The following PCDHGA3 variants were observed in gnomAD, a reference collection of about 807,000 sequenced individuals.
PCDHGA3 encodes protocadherin gamma subfamily A, 3, also known as protocadherin gamma-A3.
PCDHGA3 carries 40 observed loss-of-function variants against 58.5 expected under a neutral mutation model. The observed-to-expected ratio is 0.68, with a 90% confidence interval of 0.53 to 0.89. The LOEUF (loss-of-function observed/expected upper bound fraction) is 0.89, where lower values mean the gene tolerates loss of function less well. Among genes scored for constraint, PCDHGA3 ranks in the 40% least tolerant of loss-of-function variants. The pLI is 0.00. For synonymous variants in PCDHGA3, 530 were observed against 525.7 expected, an observed-to-expected ratio of 1.01 and a Z score of -0.11; for missense variants, 1,223 against 1,195.9, an observed-to-expected ratio of 1.02 and a Z score of -0.33.
intron 1 of PCDHGA3, chr5:141,421,419 A>T (rs778839137): frequency 1.2e-6 from 2 of 1,614,072 alleles, no homozygotes; most frequent in Non-Finnish European, 1.7e-6. Context: ...CGAAGCGCGG[A>T]GTCCGCATCG....
intron 1 of PCDHGA3, chr5:141,384,775 G>A: frequency 6.2e-7 from 1 of 1,613,910 alleles, no homozygotes; most frequent in Non-Finnish European, 8.5e-7. Flanking sequence ...CACGGGCGAG[G>A]TGCGCACGGC....
chr5:141,425,221 C>T (rs2096862694), intron 1 of PCDHGA3, among the ~76,000 whole-genome samples: 1 of 152,068 alleles, frequency 6.6e-6, no homozygotes, highest in African/African-American at 2.4e-5. Context: ...TGTACTTTGA[C>T]TGGAATTAGT....
chr5:141,423,746 T>G, intron 1 of PCDHGA3: 2 of 384,794 alleles, frequency 5.2e-6, no homozygotes, highest in Non-Finnish European at 6.6e-6. Flanking sequence ...TTATGAAAAC[T>G]GTTTGGGGGG....
intron 1 of PCDHGA3, chr5:141,375,639 CCTTCGACTA>C (rs1771695189): frequency 6.2e-6 from 10 of 1,614,244 alleles, no homozygotes; most frequent in Non-Finnish European, 8.5e-6. Flanking sequence ...GCCCTGCGCT[CCTTCGACTA>C]TGAGCAGTTG....
At chr5:141,422,812 T>A in intron 1 of PCDHGA3, 1 of 1,614,206 alleles carries the variant, frequency 6.2e-7, no homozygotes, top group Non-Finnish European at 8.5e-7. Context: ...GTTTCGAGAC[T>A]TAGAACTGAG....
chr5:141,344,637 C>G lies in PCDHGA3; in HGVS notation c.604C>G (p.Arg202Gly), dbSNP rs531413275. The G allele has an allele frequency of 6.2e-7, 1 of 1,613,842 alleles. No homozygotes were observed. Among genetic ancestry groups the G allele is most frequent in the African/African-American group, 1.3e-5 (1 of 74,974 alleles). ...PELVLERALD[R>G]EKKEIHQLVL... ...GCTGGTGCTGGAGCGGGCCCTGGAC[C>G]GTGAGAAAAAAGAAATTCACCAGCT... The change falls in exon 1 of 4, where the codon CGT becomes GGT. Residue 202 changes from arginine to glycine, a missense_variant. Physicochemically the swap from Arg to Gly is moderately radical, Grantham distance 125. This residue lies in a region of PCDHGA3 where 791 missense variants were observed against 708.5 expected (regional missense o/e 1.12). Transcript: ENST00000253812.
intron 1 of PCDHGA3, among the ~76,000 whole-genome samples, chr5:141,481,103 C>G (rs190529217): frequency 2.6e-4 from 39 of 152,252 alleles, no homozygotes; most frequent in Non-Finnish European, 3.4e-4. Context: ...TACTCTGGAA[C>G]CTACCAATCC....
rs781346812 is a variant in PCDHGA3, at chr5:141,489,773, T to A, written c.2425-5034T>A. 6.2e-7 allele frequency: 1 copy of A among 1,614,102 alleles called. No individual in the cohort carries two copies. The highest frequency in any genetic ancestry group is 8.5e-7 in the Non-Finnish European group (1 of 1,179,984). ...TACACTCTAAGCCCCAACAGCCACT[T>A]CTCTCTGAATGTGAAGACCCTAAAA... is the stretch of plus-strand genomic sequence containing the variant. On this transcript the variant is annotated intron_variant, in intron 1 of 3. Transcript: ENST00000253812. The surrounding 1 kb of genome is among the most constrained non-coding windows in gnomAD (Gnocchi z 4.5).
At position 141,490,448 on chromosome 5, in the gene PCDHGA3, A is replaced by C. The variant is rs1309104827; in HGVS notation, c.2425-4359A>C. 1 of 1,614,206 alleles carries C rather than the reference A, an allele frequency of 6.2e-7. No homozygotes were observed. Among genetic ancestry groups the C allele is most frequent in the Admixed American group, 1.7e-5 (1 of 60,030 alleles). ...TTTCAGATTAAGCCTTCTGAGAACC[A>C]CTACTCGCTGCTAACCAGCCAGCCT... is the stretch of plus-strand genomic sequence containing the variant. On this transcript the variant is annotated intron_variant, in intron 1 of 3. Coordinates refer to ENST00000253812, the MANE Select transcript of PCDHGA3 (RefSeq NM_018916.4). This position sits in a 1 kb window ranked among gnomAD's most constrained non-coding sequence, Gnocchi z 5.4.
At chr5:141,350,187 C>T (rs1487170338) in intron 1 of PCDHGA3, 9 of 1,358,066 alleles carry the variant, frequency 6.6e-6, no homozygotes, top group Non-Finnish European at 8.8e-6. Context: ...GCTCAAATCA[C>T]AGAAGTCCAG....
At position 141,487,444 on chromosome 5, in the gene PCDHGA3, T is replaced by G; in HGVS notation, c.2425-7363T>G. 1 of 1,614,194 alleles carries G rather than the reference T, an allele frequency of 6.2e-7. No individual in the cohort carries two copies. The highest frequency in any genetic ancestry group is 8.5e-7 in the Non-Finnish European group (1 of 1,180,040). ...TCCTCCGAATCCAGCTAGGGTCAGA[T>G]GACCCTATCAAGTTTGTTGATGTGG... On this transcript the variant is annotated intron_variant, in intron 1 of 3. Transcript: ENST00000253812. This position sits in a 1 kb window ranked among gnomAD's most constrained non-coding sequence, Gnocchi z 5.0.
rs370015318 is a variant in PCDHGA3 at position 141,371,900 on chromosome 5, G to A, written c.2424+25443G>A. 5 of 1,613,260 alleles carry A rather than the reference G, an allele frequency of 3.1e-6. No homozygotes were observed. In the African/African-American group the frequency reaches 5.3e-5, roughly 17 times the overall value. On this transcript the variant is annotated intron_variant, in intron 1 of 3. Transcript: ENST00000253812. ...GTGACCTGGAGCCGCGGGAGCTGTC[G>A]TCCTACGTGTCCGTGAGCGCGCGGA...
chr5:141,393,578 G>A (rs748225192), intron 1 of PCDHGA3: 2 of 1,613,812 alleles, frequency 1.2e-6, no homozygotes, highest in South Asian at 1.1e-5. Context: ...TTGAGAACAT[G>A]CCCCCAGGCA....
intron 1 of PCDHGA3, chr5:141,414,843 G>A: frequency 3.7e-6 from 6 of 1,614,218 alleles, no homozygotes; most frequent in Non-Finnish European, 5.1e-6. Context: ...GCCTGTTTGT[G>A]CTGGACCAGA....
intron 1 of PCDHGA3, among the ~76,000 whole-genome samples, chr5:141,488,236 T>A (rs1333427955): frequency 6.6e-6 from 1 of 152,154 alleles, no homozygotes; most frequent in Admixed American, 6.5e-5. Context: ...TTGAACTAGA[T>A]GCGGTAAATT....
At position 141,344,216 on chromosome 5, in the gene PCDHGA3, G is replaced by C. The variant is rs199728541; in HGVS notation, c.183G>C (p.Glu61Asp). The C allele has an allele frequency of 6.2e-7, 1 of 1,614,038 alleles. No individual in the cohort carries two copies. The highest frequency in any genetic ancestry group is 1.1e-5 in the South Asian group (1 of 91,080). The change falls in exon 1 of 4, where the codon GAG (glutamate) becomes GAC (aspartate). Residue 61 changes from glutamate to aspartate, a missense_variant. Coordinates refer to ENST00000253812, the MANE Select transcript of PCDHGA3 (RefSeq NM_018916.4). ...DLGLEPRELA[E>D]RGVRIVSRGR... ...GGCTAGAGCCCCGGGAGCTGGCGGA[G>C]CGCGGAGTCCGCATCGTCTCCAGAG...
intron 1 of PCDHGA3, among the ~76,000 whole-genome samples, chr5:141,468,079 C>A (rs2099157359): frequency 6.6e-6 from 1 of 151,986 alleles, no homozygotes; most frequent in African/African-American, 2.4e-5. Context: ...AATCCCAGCA[C>A]TTTGGGAGGT....
intron 1 of PCDHGA3, chr5:141,419,739 G>T: frequency 6.2e-7 from 1 of 1,613,770 alleles, no homozygotes; most frequent in South Asian, 1.1e-5. Context: ...GGCGAGGTGC[G>T]CATGGTGCGT....
chr5:141,382,744 A>G (rs767790688), intron 1 of PCDHGA3: 6 of 592,898 alleles, frequency 1.0e-5, no homozygotes, highest in Non-Finnish European at 1.7e-5. Context: ...GAAACGACAG[A>G]TTGCGATAAG....
Sources: allele counts gnomAD v4.1 joint callset (sites outside exome capture counted in the v4.1 genomes callset), GRCh38; gene constraint gnomAD v4.1.1; regional missense constraint gnomAD v4.1.1; non-coding constraint Gnocchi (gnomAD v3.1); transcripts MANE v1.5; gene names NCBI Gene and HGNC (gene_info 2026-07-23, HGNC 2026-07-21).